The following IMMP2L variants were observed in gnomAD, a reference collection of about 807,000 sequenced individuals.
IMMP2L encodes the protein mitochondrial inner membrane protease subunit 2.
A neutral mutation model predicts 19.3 loss-of-function variants in IMMP2L; 18 were observed. That is an observed-to-expected ratio of 0.93 (90% CI 0.64 to 1.38). The LOEUF is 1.38. IMMP2L is among the 40% of genes most tolerant of loss of function. The pLI, the probability that IMMP2L is intolerant of heterozygous loss-of-function variation, is 0.00. For synonymous variants in IMMP2L, 76 were observed against 73.0 expected (o/e 1.04, Z -0.21); for missense variants, 233 against 218.2 (o/e 1.07, Z -0.43).
At chr7:111,350,082 C>T (rs1250248993) in intron 3 of IMMP2L, among the ~76,000 whole-genome samples, 1 of 151,660 alleles carries the variant, frequency 6.6e-6, no homozygotes, top group African/African-American at 2.4e-5. Context: ...ATTCTCCTGC[C>T]TCACCCTCCC....
intron 3 of IMMP2L, among the ~76,000 whole-genome samples, chr7:111,090,515 G>C (rs1215573084): frequency 2.0e-5 from 3 of 150,086 alleles, no homozygotes; most frequent in African/African-American, 7.4e-5. Context: ...TTTTTAAAAA[G>C]TACCCCCTCA....
Position 110,994,518 on chromosome 7 carries a change from C to T in IMMP2L, c.240-30953G>A, listed in dbSNP as rs1822835542. On this transcript the variant is annotated intron_variant, in intron 3 of 5. Coordinates refer to ENST00000405709, the MANE Select transcript of IMMP2L (RefSeq NM_032549.4). ...GCCTTTAAAAGAAGTATGCCCTCCG[C>T]TTCTTTCTCACTTTCTCTCTTTGAC... is the stretch of plus-strand genomic sequence containing the variant. Among the ~76,000 whole-genome samples, 3 of 152,138 alleles carry T rather than the reference C, an allele frequency of 2.0e-5. No individual in the cohort carries two copies. The South Asian group carries it at 6.2e-4, about 31-fold the overall frequency.
In IMMP2L at chr7:111,366,842, C is replaced by A. The variant is rs188959091; in HGVS notation, c.239+120396G>T. On this transcript the variant is annotated intron_variant, in intron 3 of 5. Transcript: ENST00000405709. ...GTCTCTGTATATATGTATACACACA[C>A]GTATATATGTGGAGAGGAGAGACAG... is the stretch of plus-strand genomic sequence containing the variant. Among the ~76,000 whole-genome samples the A allele has an allele frequency of 1.5e-4, 22 of 151,660 alleles. No homozygotes were observed. In the East Asian group the frequency reaches 3.3e-3, roughly 23 times the overall value.
At chr7:111,092,495 T>A (rs1796976408) in intron 3 of IMMP2L, among the ~76,000 whole-genome samples, 1 of 152,052 alleles carries the variant, frequency 6.6e-6, no homozygotes, top group Non-Finnish European at 1.5e-5. Flanking sequence ...CCTAATTTAG[T>A]GAAAAGGGGA....
chr7:111,155,073 A>G (rs1229729197), intron 3 of IMMP2L, among the ~76,000 whole-genome samples: 1 of 152,058 alleles, frequency 6.6e-6, no homozygotes, highest in Non-Finnish European at 1.5e-5. Context: ...GTTATTATTA[A>G]AATTCTGCTG....
rs1187011529 is a variant in IMMP2L at position 111,094,856 on chromosome 7, C to T, written c.240-131291G>A. On this transcript the variant is annotated intron_variant, in intron 3 of 5. Coordinates refer to ENST00000405709, the MANE Select transcript of IMMP2L (RefSeq NM_032549.4). Reference sequence around the variant, plus strand: ...GGTGCCAGAGGATGGGAAAAAGGAACAGGGATAAATCGGAACGTTTTTCTA... The same window carrying T: ...GGTGCCAGAGGATGGGAAAAAGGAATAGGGATAAATCGGAACGTTTTTCTA... Among the ~76,000 whole-genome samples, 9 of 151,980 alleles carry T rather than the reference C, an allele frequency of 5.9e-5. 1 individual carries two copies. Among genetic ancestry groups the T allele is most frequent in the South Asian group, 2.1e-4 (1 of 4,822 alleles).
intron 3 of IMMP2L, among the ~76,000 whole-genome samples, chr7:111,160,424 C>T (rs1805127532): frequency 6.6e-6 from 1 of 151,894 alleles, no homozygotes; most frequent in Non-Finnish European, 1.5e-5. Context: ...TACAAGAAGC[C>T]TGTATGGACA....
At chr7:111,043,368 T>C (rs1341994710) in intron 3 of IMMP2L, among the ~76,000 whole-genome samples, 1 of 152,198 alleles carries the variant, frequency 6.6e-6, no homozygotes, top group Non-Finnish European at 1.5e-5. Context: ...TTACTTAATG[T>C]CCCACCTTCC....
At chr7:111,039,197 T>C (rs1791644450) in intron 3 of IMMP2L, among the ~76,000 whole-genome samples, 1 of 152,202 alleles carries the variant, frequency 6.6e-6, no homozygotes, top group African/African-American at 2.4e-5. Context: ...TCAAAACATG[T>C]ATTTTGATTT....
At chr7:110,844,523 C>A (rs994421966) in intron 5 of IMMP2L, among the ~76,000 whole-genome samples, 1 of 151,850 alleles carries the variant, frequency 6.6e-6, no homozygotes, top group African/African-American at 2.4e-5. Context: ...TTGTAACAAA[C>A]GGATGGGGGT....
rs1184802318 is a variant in IMMP2L at position 110,757,094 on chromosome 7, C to A, written c.409-93373G>T. 6.6e-6 allele frequency among the ~76,000 whole-genome samples: 1 copy of A among 151,856 alleles called. No homozygotes were observed. Among genetic ancestry groups the A allele is most frequent in the Non-Finnish European group, 1.5e-5 (1 of 67,966 alleles). ...TCAAGTGGGTCAGATAAATAACAAA[C>A]CAAATAAATAAGTTAAATGATATAG... is the stretch of plus-strand genomic sequence containing the variant. On this transcript the variant is annotated intron_variant, in intron 5 of 5. Coordinates refer to ENST00000405709, the MANE Select transcript of IMMP2L (RefSeq NM_032549.4). This position sits in a 1 kb window ranked among gnomAD's most constrained non-coding sequence, Gnocchi z 4.2.
chr7:111,509,043 A>C (rs1200281962), intron 2 of IMMP2L, among the ~76,000 whole-genome samples: 1 of 152,208 alleles, frequency 6.6e-6, no homozygotes, highest in Non-Finnish European at 1.5e-5. Flanking sequence ...TAAGACTAAG[A>C]ATTCAAAAGT....
In IMMP2L at chr7:111,109,148, T is replaced by C. The variant is rs114119238; in HGVS notation, c.240-145583A>G. On this transcript the variant is annotated intron_variant, in intron 3 of 5. Coordinates refer to ENST00000405709, the MANE Select transcript of IMMP2L (RefSeq NM_032549.4). ...TAAATAAGGTATTATCAAGAAGAATTAAAGACCAAATTAAAGAACAAACAT... is the reference window on the plus strand; with the variant it reads ...TAAATAAGGTATTATCAAGAAGAATCAAAGACCAAATTAAAGAACAAACAT... 4.1e-3 allele frequency among the ~76,000 whole-genome samples: 619 copies of C among 152,278 alleles called. 3 individuals are homozygous for C. Among genetic ancestry groups the C allele is most frequent in the African/African-American group, 0.013 (521 of 41,570 alleles).
At chr7:111,026,949 A>C (rs1826896906) in intron 3 of IMMP2L, among the ~76,000 whole-genome samples, 1 of 152,146 alleles carries the variant, frequency 6.6e-6, no homozygotes, top group African/African-American at 2.4e-5. Context: ...GACGTAAATA[A>C]AACCAGATAC....
intron 3 of IMMP2L, among the ~76,000 whole-genome samples, chr7:111,306,413 G>A (rs1426852246): frequency 2.6e-5 from 4 of 151,996 alleles, no homozygotes; most frequent in Non-Finnish European, 4.4e-5. Context: ...AACAGGAGTA[G>A]GTACATAGAA....
At chr7:111,391,764 AAAC>A (rs1403157984) in intron 3 of IMMP2L, 6 of 596,846 alleles carry the variant, frequency 1.0e-5, no homozygotes, top group Non-Finnish European at 6.0e-6. Context: ...GCAAAAAGAC[AAAC>A]AACTACGATA....
intron 2 of IMMP2L, among the ~76,000 whole-genome samples, chr7:111,491,638 C>A (rs142111312): frequency 1.6e-3 from 239 of 152,252 alleles, no homozygotes; most frequent in African/African-American, 5.3e-3. Context: ...CTTTTGTCAT[C>A]ACAACAGTAG....
chr7:111,197,615 A>T (rs969786292), intron 3 of IMMP2L, among the ~76,000 whole-genome samples: 1 of 152,198 alleles, frequency 6.6e-6, no homozygotes, highest in South Asian at 2.1e-4. Context: ...GGGCTTCAAC[A>T]AACCAAAGTA....
At chr7:110,739,387 G>A (rs144520259) in intron 5 of IMMP2L, among the ~76,000 whole-genome samples, 5 of 152,122 alleles carry the variant, frequency 3.3e-5, no homozygotes, top group African/African-American at 1.2e-4. Context: ...CCATGCAAAT[G>A]GACACCCAAA....
Sources: gnomAD v4.1 joint callset for allele counts (sites outside exome capture counted in the v4.1 genomes callset) on GRCh38, gnomAD v4.1.1 for gene constraint, Gnocchi (gnomAD v3.1) non-coding constraint, MANE v1.5 for transcripts, NCBI Gene and HGNC (gene_info 2026-07-23, HGNC 2026-07-21) for gene names.